Variants in ARL3 observed in about 807,000 individuals in gnomAD.
The protein encoded by ARL3 is ADP-ribosylation factor-like protein 3.
In ARL3, 9 loss-of-function variants were observed where a neutral mutation model predicts 26.0. The ratio of observed to expected loss-of-function variants is 0.35; its 90% CI spans 0.21 to 0.60. The LOEUF (loss-of-function observed/expected upper bound fraction) is 0.60, where lower values mean the gene tolerates loss of function less well. ARL3 is among the 20% of genes least tolerant of loss of function. The probability of loss-of-function intolerance (pLI) is 0.78; values close to 1 mark genes in which losing one functional copy is unlikely to be tolerated. For missense variants in ARL3, 158 were observed against 215.7 expected, an observed-to-expected ratio of 0.73 and a Z score of 1.67; for synonymous variants, 71 against 78.4, an observed-to-expected ratio of 0.91 and a Z score of 0.50.
intron 3 of ARL3, among the ~76,000 whole-genome samples, chr10:102,691,376 G>C (rs1423404345): frequency 2.7e-5 from 4 of 147,356 alleles, no homozygotes; most frequent in Admixed American, 1.4e-4. Context: ...TGCGGTGTTT[G>C]GTTTTTTGTT....
chr10:102,677,719 C>T (rs2064137215), intron 5 of ARL3, among the ~76,000 whole-genome samples: 1 of 152,180 alleles, frequency 6.6e-6, no homozygotes, highest in African/African-American at 2.4e-5. Flanking sequence ...TGGAGCCAAA[C>T]CTGGACACTC....
chr10:102,681,850 T>A (rs2064157487), intron 5 of ARL3, among the ~76,000 whole-genome samples: 1 of 152,076 alleles, frequency 6.6e-6, no homozygotes, highest in Non-Finnish European at 1.5e-5. Flanking sequence ...ACTCAGAGTA[T>A]TTTAGAGAGA....
chr10:102,685,764 A>G (rs1335949071), intron 5 of ARL3, 52 bp downstream of exon 5: 77 of 1,523,196 alleles, frequency 5.1e-5, no homozygotes, highest in Non-Finnish European at 6.5e-5. Context: ...GAGACAGACC[A>G]CCTCGGTTAG....
intron 2 of ARL3, 69 bp downstream of exon 2, chr10:102,705,277 T>G: frequency 6.8e-7 from 1 of 1,469,244 alleles, no homozygotes; most frequent in South Asian, 1.4e-5. Flanking sequence ...GTATTTCCCA[T>G]TTTGTCTTTC....
In ARL3 at chr10:102,683,904, C is replaced by T. The variant is rs568472730; in HGVS notation, c.501+1912G>A. Among the ~76,000 whole-genome samples the T allele has an allele frequency of 3.5e-4, 53 of 152,254 alleles. No individual in the cohort carries two copies. The East Asian group carries it at 9.7e-3, about 28-fold the overall frequency. On this transcript the variant is annotated intron_variant, in intron 5 of 5. Transcript: ENST00000260746. ...GCAGTGTCCTTGACTTTAAATGCCA[C>T]GGCTCTAAATACTGATTCTAGATTA...
At position 102,676,566 on chromosome 10, in the gene ARL3, G is replaced by T; in HGVS notation, c.*328C>A. 5.9e-6 allele frequency: 1 copy of T among 170,032 alleles called. No individual in the cohort carries two copies. The highest frequency in any genetic ancestry group is 6.4e-5 in the Admixed American group (1 of 15,536). The allele number at this position is 170,032 out of a possible 1,614,324, so 10.5% of individuals were successfully genotyped here. On this transcript the variant is annotated 3_prime_UTR_variant, in exon 6 of 6. Transcript: ENST00000260746. ...TTTTTTTTTTTGAGAGGAAAAAAAA[G>T]CCCACTGGAATTGTCTAAACTGCAA...
intron 1 of ARL3, among the ~76,000 whole-genome samples, chr10:102,712,774 T>C (rs922688117): frequency 7.2e-5 from 11 of 152,318 alleles, no homozygotes; most frequent in East Asian, 5.8e-4. Context: ...ATTCTAGCTA[T>C]TTTCTGGGTA....
At chr10:102,707,260 T>C (rs1225938484) in intron 1 of ARL3, among the ~76,000 whole-genome samples, 1 of 150,664 alleles carries the variant, frequency 6.6e-6, no homozygotes, top group East Asian at 2.0e-4. Context: ...TTTGTACCAC[T>C]GCACTCCAGC....
chr10:102,700,815 G>A (rs1239834442), intron 2 of ARL3, among the ~76,000 whole-genome samples: 2 of 111,652 alleles, frequency 1.8e-5, no homozygotes, highest in Admixed American at 1.3e-4. Flanking sequence ...TCGGCTCACC[G>A]CAACCTCCAC....
At chr10:102,707,974 C>A (rs973775456) in intron 1 of ARL3, among the ~76,000 whole-genome samples, 2 of 151,872 alleles carry the variant, frequency 1.3e-5, no homozygotes, top group African/African-American at 2.4e-5. Context: ...AATGTAGTGG[C>A]GTGAACACGG....
At chr10:102,686,866 CTTTTTTTTTTTTTTT>C (rs59400726) in intron 4 of ARL3, among the ~76,000 whole-genome samples, 1 of 59,632 alleles carries the variant, frequency 1.7e-5, no homozygotes, top group Non-Finnish European at 3.0e-5. Flanking sequence ...CAGGAATTTA[CTTTTTTTTTTTTTTT>C]TTTTTTTTTT....
At chr10:102,714,122 G>T in intron 1 of ARL3, 151 bp downstream of exon 1, 1 of 1,021,158 alleles carries the variant, frequency 9.8e-7, no homozygotes, top group Non-Finnish European at 1.3e-6. Flanking sequence ...GGGTCTCCCC[G>T]CCGACCCCCG....
At chr10:102,694,057 G>A (rs1287651638) in intron 3 of ARL3, among the ~76,000 whole-genome samples, 1 of 151,430 alleles carries the variant, frequency 6.6e-6, no homozygotes, top group Non-Finnish European at 1.5e-5. Context: ...GTGTGATCTC[G>A]GCTCACTGCA....
chr10:102,679,937 T>C (rs982155730), intron 5 of ARL3, among the ~76,000 whole-genome samples: 2 of 152,164 alleles, frequency 1.3e-5, no homozygotes, highest in Non-Finnish European at 2.9e-5. Context: ...CATACCACTC[T>C]TGCTTTCACC....
rs1057422428 is a variant in ARL3, at chr10:102,681,336, G to C, written c.502-4395C>G. On this transcript the variant is annotated intron_variant, in intron 5 of 5. Transcript: ENST00000260746. ...GAACCCAGGAGGTGGAGGTTGCAGTGAGCCAAGGTTGTGCCATCGCATTCC... is the reference window on the plus strand; with the variant it reads ...GAACCCAGGAGGTGGAGGTTGCAGTCAGCCAAGGTTGTGCCATCGCATTCC... 7.4e-5 allele frequency among the ~76,000 whole-genome samples: 11 copies of C among 149,510 alleles called. No homozygotes were observed. In the Admixed American group the frequency reaches 7.4e-4, roughly 10 times the overall value.
intron 5 of ARL3, among the ~76,000 whole-genome samples, chr10:102,681,533 G>A (rs963135663): frequency 3.3e-5 from 5 of 152,144 alleles, no homozygotes; most frequent in South Asian, 2.1e-4. Flanking sequence ...ATCACAGCTC[G>A]GCGCTCGGAC....
chr10:102,683,561 T>C (rs781044208), intron 5 of ARL3, among the ~76,000 whole-genome samples: 3 of 152,232 alleles, frequency 2.0e-5, no homozygotes, highest in African/African-American at 7.2e-5. Context: ...TCCTGTGAAC[T>C]TGGTTGCTGA....
At chr10:102,696,941 T>C (rs2064251526) in intron 3 of ARL3, among the ~76,000 whole-genome samples, 1 of 152,202 alleles carries the variant, frequency 6.6e-6, no homozygotes, top group African/African-American at 2.4e-5. Flanking sequence ...ATTAGGCAAT[T>C]CTGACATGGT....
intron 1 of ARL3, among the ~76,000 whole-genome samples, chr10:102,710,250 T>C (rs1055196872): frequency 6.6e-5 from 10 of 152,204 alleles, no homozygotes; most frequent in African/African-American, 2.4e-4. Context: ...GGAAGACAAG[T>C]GCAAATATAA....
Sources: gnomAD v4.1 joint callset for allele counts (sites outside exome capture counted in the v4.1 genomes callset) on GRCh38, gnomAD v4.1.1 for gene constraint, MANE v1.5 for transcripts, NCBI Gene and HGNC (gene_info 2026-07-23, HGNC 2026-07-21) for gene names.